The following C4orf50 variants were observed in gnomAD, a reference collection of about 807,000 sequenced individuals.
C4orf50 encodes the protein uncharacterized protein C4orf50.
Under a neutral mutation model 77.2 loss-of-function variants are expected in C4orf50, and 80 were observed. That is an observed-to-expected ratio of 1.04 (90% CI 0.87 to 1.25). The LOEUF is 1.25. Ranked by LOEUF, C4orf50 falls within the 50% of genes most tolerant of loss-of-function variation. C4orf50 has a pLI of 0.00. For synonymous variants in C4orf50, 532 were observed against 465.3 expected, an observed-to-expected ratio of 1.14 and a Z score of -1.84; for missense variants, 1,257 against 1,152.9, an observed-to-expected ratio of 1.09 and a Z score of -1.31.
intron 7 of C4orf50, among the ~76,000 whole-genome samples, chr4:5,938,701 T>G (rs1452199527): frequency 1.3e-5 from 2 of 152,236 alleles, no homozygotes; most frequent in Admixed American, 1.3e-4. Context: ...GTTTTAATTC[T>G]ACTTAATATC....
At chr4:5,998,181 G>C (rs989772740) in intron 25 of C4orf50, among the ~76,000 whole-genome samples, 9 of 152,156 alleles carry the variant, frequency 5.9e-5, no homozygotes, top group Admixed American at 2.0e-4. Context: ...ACGGCTGCAG[G>C]CCCTTTTAAC....
chr4:5,923,313 CA>C (rs1717363847), intron 7 of C4orf50: 1 of 154,270 alleles, frequency 6.5e-6, no homozygotes, highest in South Asian at 2.0e-4. Flanking sequence ...ACAACAAGAA[CA>C]AGGACAGAAA....
intron 23 of C4orf50, among the ~76,000 whole-genome samples, chr4:6,014,062 G>C (rs1722594167): frequency 6.6e-6 from 1 of 151,408 alleles, no homozygotes; most frequent in Admixed American, 6.6e-5. Flanking sequence ...GAGTGCAATG[G>C]CGTGATCTCG....
chr4:5,991,591 G>C (rs73795144), intron 27 of C4orf50, among the ~76,000 whole-genome samples: 2,628 of 152,318 alleles, frequency 0.017, 73 homozygotes, highest in African/African-American at 0.06. Context: ...AAGGAGGCCT[G>C]AGGATGAAAT....
chr4:6,011,694 T>C lies in C4orf50; in HGVS notation c.426+136A>G, dbSNP rs991725526. On this transcript the variant is annotated intron_variant, in intron 24 of 33. Coordinates refer to ENST00000531445, the Ensembl canonical transcript of C4orf50. The surrounding 1 kb of genome is among the most constrained non-coding windows in gnomAD (Gnocchi z 4.2). The stretch of plus-strand genomic sequence containing the variant: ...GCAGTCACGCCATGCACCATGAACG[T>C]AGGATCTCTCTAACCCTCCTGACTG... 7 of 397,060 alleles carry C rather than the reference T, an allele frequency of 1.8e-5. No individual in the cohort carries two copies. Among genetic ancestry groups the C allele is most frequent in the Admixed American group, 1.3e-4 (3 of 22,678 alleles). 24.6% of individuals were successfully genotyped at this position (397,060 alleles called of 1,614,324 possible).
intron 23 of C4orf50, among the ~76,000 whole-genome samples, chr4:6,014,412 T>G (rs1014424414): frequency 1.1e-4 from 16 of 152,216 alleles, no homozygotes; most frequent in Non-Finnish European, 2.2e-4. Flanking sequence ...TTACTGCATT[T>G]AGATGGGGAA....
At chr4:5,917,960 G>C (rs1717103363) in intron 7 of C4orf50, among the ~76,000 whole-genome samples, 1 of 152,102 alleles carries the variant, frequency 6.6e-6, no homozygotes, top group Non-Finnish European at 1.5e-5. Flanking sequence ...TCATTCATCA[G>C]AGAGCCGGGG....
rs1443007658 is a variant in C4orf50 at position 5,905,223 on chromosome 4, A to T, written c.*2475-7035T>A. The T allele has an allele frequency of 6.6e-6, 1 of 152,220 alleles. No individual in the cohort carries two copies. Among genetic ancestry groups the T allele is most frequent in the Non-Finnish European group, 1.5e-5 (1 of 68,044 alleles). The allele number at this position is 152,220 out of a possible 1,614,324, so 9.4% of individuals were successfully genotyped here. A position where few individuals can be genotyped will look rare whatever the true frequency, so the allele number is the denominator to read the frequency against. On this transcript the variant is annotated intron_variant, in intron 7 of 7. Transcript: ENST00000324058. The surrounding 1 kb of genome is among the most constrained non-coding windows in gnomAD (Gnocchi z 5.4). ...TCCTGTCACTCACATGGCATTAAAT[A>T]TGGGCTTCTTACAGTCAACAGCCAT...
Position 5,992,923 on chromosome 4 carries a change from G to T in C4orf50, c.1101C>A (p.Ser367=), listed in dbSNP as rs1721373362. The T allele has an allele frequency of 5.0e-6, 2 of 398,912 alleles. No homozygotes were observed. The highest frequency in any genetic ancestry group is 2.5e-4 in the South Asian group (2 of 7,850). The allele number at this position is 398,912 out of a possible 1,614,324, so 24.7% of individuals were successfully genotyped here. The change falls in exon 27 of 34, where the codon TCC becomes TCA. Residue 367 remains serine, a synonymous_variant. Transcript: ENST00000531445. The surrounding 1 kb of genome is among the most constrained non-coding windows in gnomAD (Gnocchi z 5.0). ...GGCTCCAGGTGCAGGGCCCCTCTGG[G>T]GACTGGCCTGGAAAGCAACAAGACC...
chr4:5,988,508 G>A (rs766869756), exon 28 of C4orf50: 30 of 1,540,346 alleles, frequency 1.9e-5, no homozygotes, highest in Non-Finnish European at 2.4e-5. Context: ...AGCGATGGAG[G>A]GGGAGAATCA....
intron 25 of C4orf50, among the ~76,000 whole-genome samples, chr4:5,995,505 AC>A (rs1310101797): frequency 2.6e-5 from 4 of 151,356 alleles, no homozygotes; most frequent in Non-Finnish European, 5.9e-5. Flanking sequence ...ACACACACAC[AC>A]ACACACACAC....
intron 7 of C4orf50, among the ~76,000 whole-genome samples, chr4:5,929,482 G>T (rs1173135982): frequency 6.6e-6 from 1 of 152,124 alleles, no homozygotes; most frequent in Admixed American, 6.5e-5. Context: ...TATGAAATAC[G>T]CACTTTTATA....
Position 6,017,049 on chromosome 4 carries a change from G to T in C4orf50, c.287+1096C>A, listed in dbSNP as rs1032860031. Among the ~76,000 whole-genome samples, 1 of 152,188 alleles carries T rather than the reference G, an allele frequency of 6.6e-6. No individual in the cohort carries two copies. The highest frequency in any genetic ancestry group is 2.4e-5 in the African/African-American group (1 of 41,432). On this transcript the variant is annotated intron_variant, in intron 23 of 33. Transcript: ENST00000531445. This position sits in a 1 kb window ranked among gnomAD's most constrained non-coding sequence, Gnocchi z 4.7. The stretch of plus-strand genomic sequence containing the variant: ...CTGCCAGTCTGGGTGTCAAGACATC[G>T]TCAGGAAAGAAGATGGGCTTTAGAG...
chr4:5,993,868 A>AAG (rs1174171079), intron 26 of C4orf50, among the ~76,000 whole-genome samples: 25 of 147,394 alleles, frequency 1.7e-4, no homozygotes, highest in Non-Finnish European at 2.4e-4. Context: ...AAAAAAAAAA[A>AAG]AGAGAGAGAG....
chr4:5,948,254 T>C (rs1489101993), intron 7 of C4orf50, among the ~76,000 whole-genome samples: 1 of 152,218 alleles, frequency 6.6e-6, no homozygotes, highest in Non-Finnish European at 1.5e-5. Context: ...GAAGTGCTGC[T>C]AGGAGTCTTC....
chr4:5,955,607 T>A (rs1016109299), downstream of C4orf50, among the ~76,000 whole-genome samples: 2 of 152,162 alleles, frequency 1.3e-5, no homozygotes, highest in South Asian at 4.1e-4. The surrounding 1 kb of genome is among the most constrained non-coding windows in gnomAD (Gnocchi z 5.1). Context: ...CATATCAGCC[T>A]TCCTGGCTGA....
rs1437323501 is a variant in C4orf50, at chr4:5,992,422, C to T, written c.1221+381G>A. On this transcript the variant is annotated intron_variant, in intron 27 of 33. Coordinates refer to ENST00000531445, the Ensembl canonical transcript of C4orf50. This position sits in a 1 kb window ranked among gnomAD's most constrained non-coding sequence, Gnocchi z 5.0. ...GCCAGCATGGGGCAGTGTGGGCCGT[C>T]GAGCCTGGATCTCGGGGTCCACCTC... Among the ~76,000 whole-genome samples the T allele has an allele frequency of 6.6e-6, 1 of 151,960 alleles. No homozygotes were observed. The highest frequency in any genetic ancestry group is 6.6e-5 in the Admixed American group (1 of 15,254).
intron 7 of C4orf50, among the ~76,000 whole-genome samples, chr4:5,925,020 G>T (rs1288560384): frequency 6.6e-6 from 1 of 152,044 alleles, no homozygotes; most frequent in African/African-American, 2.4e-5. Flanking sequence ...GGTTTGGGGG[G>T]TGGGGCAGGA....
chr4:6,004,095 GTGA>G (rs1722045582), intron 25 of C4orf50, among the ~76,000 whole-genome samples: 5 of 111,842 alleles, frequency 4.5e-5, no homozygotes, highest in Admixed American at 8.6e-5. Context: ...AGTGATGATG[GTGA>G]TGATGGTGAT....
Sources: allele counts gnomAD v4.1 joint callset (sites outside exome capture counted in the v4.1 genomes callset), GRCh38; gene constraint gnomAD v4.1.1; non-coding constraint Gnocchi (gnomAD v3.1); transcripts MANE v1.5; gene names NCBI Gene and HGNC (gene_info 2026-07-23, HGNC 2026-07-21).